The following KCNIP4 variants were observed in gnomAD, a reference collection of about 807,000 sequenced individuals.
KCNIP4 encodes the protein potassium voltage-gated channel interacting protein 4, also known as Kv channel-interacting protein 4.
In KCNIP4, 12 loss-of-function variants were observed where a neutral mutation model predicts 34.0. The ratio of observed to expected loss-of-function variants is 0.35; its 90% CI spans 0.23 to 0.57. The LOEUF (loss-of-function observed/expected upper bound fraction) is 0.57, where lower values mean the gene tolerates loss of function less well. KCNIP4 is among the 20% of genes least tolerant of loss of function. KCNIP4 has a pLI of 0.83. For missense variants in KCNIP4, 238 were observed against 311.7 expected, an observed-to-expected ratio of 0.76 and a Z score of 1.78; for synonymous variants, 124 against 102.2, an observed-to-expected ratio of 1.21 and a Z score of -1.29.
At chr4:21,299,758 T>C (rs187549531) in intron 1 of KCNIP4, among the ~76,000 whole-genome samples, 190 of 152,290 alleles carry the variant, frequency 1.2e-3, no homozygotes, top group Non-Finnish European at 2.2e-3. Flanking sequence ...GTGATGTTTT[T>C]GAATTTGCCC....
intron 1 of KCNIP4, among the ~76,000 whole-genome samples, chr4:21,039,397 A>C (rs1741754806): frequency 6.6e-6 from 1 of 151,814 alleles, no homozygotes; most frequent in Non-Finnish European, 1.5e-5. Context: ...AAAAGGAATA[A>C]GCATCAAGAG....
At chr4:21,657,182 G>T (rs192822938) in intron 1 of KCNIP4, among the ~76,000 whole-genome samples, 1 of 152,242 alleles carries the variant, frequency 6.6e-6, no homozygotes. Context: ...ACTTTTCAAC[G>T]CTGCTCTGTG....
At chr4:21,517,772 G>T (rs758198769) in intron 1 of KCNIP4, among the ~76,000 whole-genome samples, 3 of 152,064 alleles carry the variant, frequency 2.0e-5, no homozygotes, top group South Asian at 2.1e-4. Flanking sequence ...CTTAACAAAA[G>T]GTTAAAGAAA....
intron 1 of KCNIP4, among the ~76,000 whole-genome samples, chr4:21,810,623 G>T (rs539327806): frequency 4.5e-4 from 68 of 150,856 alleles, no homozygotes; most frequent in African/African-American, 1.5e-3. Context: ...CCGGGAGGCG[G>T]AGCCTGCAGT....
chr4:20,793,847 A>T (rs1285025661), intron 3 of KCNIP4, among the ~76,000 whole-genome samples: 1 of 151,742 alleles, frequency 6.6e-6, no homozygotes, highest in Non-Finnish European at 1.5e-5. Flanking sequence ...CACAACCTAG[A>T]TCCCTCATGA....
chr4:21,091,832 A>C (rs1747022186), intron 1 of KCNIP4, among the ~76,000 whole-genome samples: 2 of 152,146 alleles, frequency 1.3e-5, no homozygotes, highest in Admixed American at 1.3e-4. Context: ...TCAAGACCTG[A>C]TTACCTCCTA....
At chr4:21,947,502 A>G (rs1489308068) in intron 1 of KCNIP4, among the ~76,000 whole-genome samples, 1 of 152,188 alleles carries the variant, frequency 6.6e-6, no homozygotes, top group East Asian at 1.9e-4. Flanking sequence ...TGGAGTGAGG[A>G]AAAGAAAGGG....
chr4:21,383,921 T>C (rs1032730170), intron 1 of KCNIP4, among the ~76,000 whole-genome samples: 1 of 152,180 alleles, frequency 6.6e-6, no homozygotes. Context: ...CTGCAAAGTT[T>C]GATATGATCT....
At position 20,729,223 on chromosome 4, in the gene KCNIP4, T is replaced by TA. The variant is rs1747073740; in HGVS notation, c.*858dup. On this transcript the variant is annotated 3_prime_UTR_variant, in exon 9 of 9. Coordinates refer to ENST00000382152, the MANE Select transcript of KCNIP4 (RefSeq NM_025221.6). ...GTTAGGATTACTTGTTATTAAGCAT[T>TA]ACTATATACTGGAGGATAGATATCC... is the stretch of plus-strand genomic sequence containing the variant. 1 of 152,008 alleles carries TA rather than the reference T, an allele frequency of 6.6e-6. No homozygotes were observed. The highest frequency in any genetic ancestry group is 2.4e-5 in the African/African-American group (1 of 41,432). The allele number at this position is 152,008 out of a possible 1,614,324, so 9.4% of individuals were successfully genotyped here. A position where few individuals can be genotyped will look rare whatever the true frequency, so the allele number is the denominator to read the frequency against.
chr4:20,854,393 G>T (rs1721357079), intron 2 of KCNIP4, among the ~76,000 whole-genome samples: 3 of 152,176 alleles, frequency 2.0e-5, no homozygotes, highest in Non-Finnish European at 2.9e-5. Flanking sequence ...CTCAAGAATG[G>T]AAAACCAAAC....
intron 1 of KCNIP4, among the ~76,000 whole-genome samples, chr4:21,819,956 C>A (rs893859887): frequency 2.0e-5 from 3 of 151,908 alleles, no homozygotes; most frequent in Admixed American, 1.3e-4. Flanking sequence ...AATACTGGAG[C>A]AATGCCCAGA....
chr4:20,731,767 A>C, intron 8 of KCNIP4: 1 of 985,402 alleles, frequency 1.0e-6, no homozygotes, highest in South Asian at 4.7e-5. Flanking sequence ...AACACAGTAC[A>C]TGTACAACTT....
intron 1 of KCNIP4, among the ~76,000 whole-genome samples, chr4:21,598,859 A>G (rs1427341637): frequency 6.6e-6 from 1 of 152,094 alleles, no homozygotes; most frequent in East Asian, 1.9e-4. Flanking sequence ...TCCAATTCCA[A>G]GTGCAAATAT....
intron 1 of KCNIP4, among the ~76,000 whole-genome samples, chr4:21,283,803 TA>T (rs1262426389): frequency 6.7e-6 from 1 of 149,964 alleles, no homozygotes; most frequent in African/African-American, 2.5e-5. Flanking sequence ...AGTATAATAA[TA>T]AAATAAATAA....
intron 3 of KCNIP4, among the ~76,000 whole-genome samples, chr4:20,801,857 A>G (rs1225491224): frequency 2.0e-5 from 3 of 152,036 alleles, no homozygotes; most frequent in African/African-American, 2.4e-5. Flanking sequence ...GAATGTAAAT[A>G]GATTCAATCC....
intron 1 of KCNIP4, among the ~76,000 whole-genome samples, chr4:21,932,991 C>CTACGTA (rs1172929685): frequency 2.1e-5 from 3 of 143,602 alleles, no homozygotes; most frequent in African/African-American, 7.6e-5. Flanking sequence ...ATTGTGAGTT[C>CTACGTA]TACGTAACAG....
At chr4:20,967,270 T>C (rs769344935) in intron 1 of KCNIP4, among the ~76,000 whole-genome samples, 18 of 152,188 alleles carry the variant, frequency 1.2e-4, no homozygotes, top group Non-Finnish European at 2.1e-4. Context: ...TTATGAAAGA[T>C]ATTACTCTCT....
intron 1 of KCNIP4, among the ~76,000 whole-genome samples, chr4:21,100,678 A>C (rs1302996767): frequency 6.6e-6 from 1 of 152,224 alleles, no homozygotes; most frequent in Non-Finnish European, 1.5e-5. Context: ...TGACTTGCTG[A>C]AGGCTCAGAT....
chr4:21,757,231 GAAA>G (rs1717688772), intron 1 of KCNIP4, among the ~76,000 whole-genome samples: 1 of 27,606 alleles, frequency 3.6e-5, no homozygotes, highest in African/African-American at 2.9e-4. Context: ...AAGAAAGAAA[GAAA>G]GAAAGAAAGA....
Sources: gnomAD v4.1 joint callset for allele counts (sites outside exome capture counted in the v4.1 genomes callset) on GRCh38, gnomAD v4.1.1 for gene constraint, MANE v1.5 for transcripts, NCBI Gene and HGNC (gene_info 2026-07-23, HGNC 2026-07-21) for gene names.